ATP2C2: variants seen among roughly 807,000 people sequenced by gnomAD.
The protein encoded by ATP2C2 is ATPase secretory pathway Ca2+ transporting 2.
Under a neutral mutation model 110.8 loss-of-function variants are expected in ATP2C2, and 171 were observed. The ratio of observed to expected loss-of-function variants is 1.54; its 90% CI spans 1.36 to 1.75. The LOEUF (loss-of-function observed/expected upper bound fraction) is 1.75, where lower values mean the gene tolerates loss of function less well. ATP2C2 is among the 40% of genes most tolerant of loss of function. The pLI, the probability that ATP2C2 is intolerant of heterozygous loss-of-function variation, is 0.00. For synonymous variants in ATP2C2, 804 were observed against 508.4 expected, an observed-to-expected ratio of 1.58 and a Z score of -7.82; for missense variants, 1,963 against 1,235.0, an observed-to-expected ratio of 1.59 and a Z score of -8.84.
intron 1 of ATP2C2, among the ~76,000 whole-genome samples, chr16:84,377,462 T>C (rs1320696677): frequency 6.6e-6 from 1 of 152,098 alleles, no homozygotes; most frequent in Non-Finnish European, 1.5e-5. Context: ...AGGCCAGAAC[T>C]CCAAGAGCAA....
At chr16:84,387,314 G>T (rs566090329) in intron 1 of ATP2C2, among the ~76,000 whole-genome samples, 1 of 152,230 alleles carries the variant, frequency 6.6e-6, no homozygotes, top group Non-Finnish European at 1.5e-5. Context: ...CTAAACTCAG[G>T]AATTCAAGAC....
At chr16:84,431,875 C>G (rs967319531) in intron 11 of ATP2C2, among the ~76,000 whole-genome samples, 3 of 152,156 alleles carry the variant, frequency 2.0e-5, no homozygotes, top group African/African-American at 7.2e-5. Context: ...AGGTGGGAGC[C>G]CCAGCTTATT....
At chr16:84,462,428 G>T (rs2150604131) in intron 26 of ATP2C2, 3 of 313,922 alleles carry the variant, frequency 9.6e-6, no homozygotes, top group Non-Finnish European at 1.8e-5. Flanking sequence ...GTGCAGGGAG[G>T]AAGGAGGGAG....
chr16:84,441,752 C>T (rs1450285609), intron 14 of ATP2C2, among the ~76,000 whole-genome samples: 2 of 152,178 alleles, frequency 1.3e-5, no homozygotes, highest in East Asian at 3.8e-4. Flanking sequence ...GAAACCCCAT[C>T]TCTACTAAAA....
intron 21 of ATP2C2, among the ~76,000 whole-genome samples, chr16:84,455,832 C>G: frequency 6.9e-6 from 1 of 144,726 alleles, no homozygotes; most frequent in East Asian, 2.0e-4. Context: ...GAGTTTTTAG[C>G]ATGAAGGGTT....
intron 1 of ATP2C2, among the ~76,000 whole-genome samples, chr16:84,393,008 G>A (rs1437498184): frequency 6.6e-6 from 1 of 152,158 alleles, no homozygotes; most frequent in African/African-American, 2.4e-5. Flanking sequence ...CCCTGAGTTT[G>A]TTTCCAGTTT....
intron 21 of ATP2C2, among the ~76,000 whole-genome samples, chr16:84,458,857 T>C (rs2150593662): frequency 6.6e-6 from 1 of 152,296 alleles, no homozygotes; most frequent in South Asian, 2.1e-4. Flanking sequence ...TAATTCATGG[T>C]CTGATTGGAG....
intron 26 of ATP2C2, among the ~76,000 whole-genome samples, chr16:84,463,167 C>A (rs527625310): frequency 1.3e-5 from 2 of 151,100 alleles, no homozygotes; most frequent in African/African-American, 4.9e-5. Context: ...CAGCATGTGA[C>A]AGGAGCAGAG....
At chr16:84,429,504 C>G (rs191961664) in intron 11 of ATP2C2, among the ~76,000 whole-genome samples, 1 of 152,134 alleles carries the variant, frequency 6.6e-6, no homozygotes, top group East Asian at 1.9e-4. Context: ...GTGTATAGCA[C>G]GTGACTGCGT....
chr16:84,373,415 G>A (rs1194429780), intron 1 of ATP2C2, among the ~76,000 whole-genome samples: 1 of 151,930 alleles, frequency 6.6e-6, no homozygotes, highest in Non-Finnish European at 1.5e-5. Context: ...CAGAAGAAAC[G>A]CTTGAATGCA....
chr16:84,385,416 C>T (rs963061937), intron 1 of ATP2C2, among the ~76,000 whole-genome samples: 1 of 152,322 alleles, frequency 6.6e-6, no homozygotes, highest in South Asian at 2.1e-4. Context: ...TAGAATTGGA[C>T]ATGAGATTTG....
rs553655095 is a variant in ATP2C2 at position 84,388,460 on chromosome 16, T to C, written c.100-10039T>C. Among the ~76,000 whole-genome samples, 126 of 152,314 alleles carry C rather than the reference T, an allele frequency of 8.3e-4. 1 individual carries two copies. Among genetic ancestry groups the C allele is most frequent in the African/African-American group, 2.9e-3 (121 of 41,572 alleles). On this transcript the variant is annotated intron_variant, in intron 1 of 26. Coordinates refer to ENST00000262429, the MANE Select transcript of ATP2C2 (RefSeq NM_014861.4). ...AGTAGGCCCAGGGTAGGGCCTGAGTTTCTGCATTTCTAACAATTTCCAGGT... is the reference window on the plus strand; with the variant it reads ...AGTAGGCCCAGGGTAGGGCCTGAGTCTCTGCATTTCTAACAATTTCCAGGT...
Position 84,422,847 on chromosome 16 carries a change from T to A in ATP2C2, c.843+150T>A, listed in dbSNP as rs56138311. ...TTAAACATTTAATTTTTTTTTTTAATAGAGACAGGGTTTCGCCATGTTGCC... is the reference window on the plus strand; with the variant it reads ...TTAAACATTTAATTTTTTTTTTTAAAAGAGACAGGGTTTCGCCATGTTGCC... On this transcript the variant is annotated intron_variant, in intron 9 of 26. Transcript: ENST00000262429. 1,458 of 893,990 alleles carry A rather than the reference T, an allele frequency of 1.6e-3. 21 individuals are homozygous for A. The African/African-American group carries it at 0.023, about 14-fold the overall frequency. The allele number at this position is 893,990 out of a possible 1,614,324, so 55.4% of individuals were successfully genotyped here. A position where few individuals can be genotyped will look rare whatever the true frequency, so the allele number is the denominator to read the frequency against.
At position 84,440,905 on chromosome 16, in the gene ATP2C2, T is replaced by C. The variant is rs756577062; in HGVS notation, c.1258T>C (p.Ser420Pro). The C allele has an allele frequency of 6.2e-7, 1 of 1,613,584 alleles. No individual in the cohort carries two copies. Among genetic ancestry groups the C allele is most frequent in the Admixed American group, 1.7e-5 (1 of 59,992 alleles). Residue 420 changes from serine (S) to proline (P), a missense_variant, in exon 14 of 27, where the codon TCC becomes CCC. By Grantham distance (74) the Ser-to-Pro change is moderately conservative (BLOSUM62 -1). Transcript: ENST00000262429. ...DGQGTVCLLPSKEVIKEFSNV... is the reference protein window; with the variant it reads ...DGQGTVCLLPPKEVIKEFSNV... The stretch of plus-strand genomic sequence containing the variant: ...TCAAGGGACTGTGTGTCTTCTACCA[T>C]CCAAGGAAGTCATTAAGGAATTTTC...
chr16:84,442,648 G>C (rs2150570798), intron 15 of ATP2C2, 49 bp downstream of exon 15: 1 of 1,558,022 alleles, frequency 6.4e-7, no homozygotes, highest in Non-Finnish European at 8.8e-7. Context: ...GCTCGGGGCT[G>C]GATTCATTGG....
intron 6 of ATP2C2, among the ~76,000 whole-genome samples, chr16:84,412,965 G>T (rs961182189): frequency 6.6e-6 from 1 of 152,046 alleles, no homozygotes; most frequent in Non-Finnish European, 1.5e-5. Context: ...TGGGCATGGT[G>T]GTGGGTGTCT....
rs369682528 is a variant in ATP2C2, at chr16:84,461,805, G to C, written c.2573G>C (p.Arg858Pro). 12 of 1,613,692 alleles carry C rather than the reference G, an allele frequency of 7.4e-6. No homozygotes were observed. The highest frequency in any genetic ancestry group is 1.7e-5 in the Admixed American group (1 of 60,002). ...FFDLFNALTC[R>P]SQTKLIFEIG... is the part of the protein sequence containing the mutation. Reference sequence around the variant, plus strand: ...GATCTCTTCAACGCCTTGACCTGCCGCTCTCAGGTGAGACCCGGGCTGACC... The same window carrying C: ...GATCTCTTCAACGCCTTGACCTGCCCCTCTCAGGTGAGACCCGGGCTGACC... The change falls in exon 25 of 27, where the codon CGC (arginine) becomes CCC (proline). Residue 858 changes from arginine to proline, a missense_variant. Physicochemically the swap from Arg to Pro is moderately radical, Grantham distance 103 (BLOSUM62 -2). Coordinates refer to ENST00000262429, the MANE Select transcript of ATP2C2 (RefSeq NM_014861.4).
At chr16:84,400,798 G>C (rs535250315) in intron 2 of ATP2C2, among the ~76,000 whole-genome samples, 1 of 152,238 alleles carries the variant, frequency 6.6e-6, no homozygotes, top group South Asian at 2.1e-4. Flanking sequence ...TTGTAGTTTT[G>C]ATTTGCATTT....
At chr16:84,451,277 A>T (rs1444637790) in intron 17 of ATP2C2, among the ~76,000 whole-genome samples, 1 of 152,144 alleles carries the variant, frequency 6.6e-6, no homozygotes, top group Non-Finnish European at 1.5e-5. Flanking sequence ...TGATTCAATT[A>T]TCTCCCACTG....
Sources: gnomAD v4.1 joint callset for allele counts (sites outside exome capture counted in the v4.1 genomes callset) on GRCh38, gnomAD v4.1.1 for gene constraint, MANE v1.5 for transcripts, NCBI Gene and HGNC (gene_info 2026-07-23, HGNC 2026-07-21) for gene names.